Variants in PREX1 observed in about 807,000 individuals in gnomAD.
PREX1 encodes phosphatidylinositol-3,4,5-trisphosphate dependent Rac exchange factor 1.
A neutral mutation model predicts 198.3 loss-of-function variants in PREX1; 41 were observed. The ratio of observed to expected loss-of-function variants is 0.21; its 90% CI spans 0.16 to 0.27. The LOEUF (loss-of-function observed/expected upper bound fraction) is 0.27. Among genes scored for constraint, PREX1 ranks in the 10% least tolerant of loss-of-function variants. The pLI is 1.00. For synonymous variants in PREX1, 843 were observed against 887.2 expected (o/e 0.95, Z 0.89); for missense variants, 1,620 against 2,200.7 (o/e 0.74, Z 5.28).
intron 27 of PREX1, among the ~76,000 whole-genome samples, chr20:48,643,398 G>A (rs2089428424): frequency 6.6e-6 from 1 of 151,954 alleles, no homozygotes; most frequent in Admixed American, 6.6e-5. Context: ...GAACCCGGGA[G>A]GTGGAGGTTG....
At chr20:48,751,781 G>A (rs1194199532) in intron 1 of PREX1, among the ~76,000 whole-genome samples, 2 of 152,192 alleles carry the variant, frequency 1.3e-5, no homozygotes, top group Non-Finnish European at 2.9e-5. Context: ...CCCATGCCTG[G>A]ACCACTTGTC....
chr20:48,840,323 A>G, the PREX1 span, among the ~76,000 whole-genome samples: 1 of 150,556 alleles, frequency 6.6e-6, no homozygotes, highest in East Asian at 1.9e-4. Context: ...CCACGACGGC[A>G]AGTATTAACC....
At chr20:48,681,664 A>T (rs2089751688) in intron 10 of PREX1, among the ~76,000 whole-genome samples, 1 of 150,494 alleles carries the variant, frequency 6.6e-6, no homozygotes, top group African/African-American at 2.4e-5. Context: ...AGGTTGGTGG[A>T]TGAGTGACTA....
intron 1 of PREX1, among the ~76,000 whole-genome samples, chr20:48,788,677 C>T (rs960369886): frequency 3.3e-5 from 5 of 152,164 alleles, no homozygotes; most frequent in Non-Finnish European, 7.3e-5. Flanking sequence ...TTGAAGGCAT[C>T]CCCCACATTT....
upstream of PREX1, among the ~76,000 whole-genome samples, chr20:48,830,667 G>C (rs2090535290): frequency 6.6e-6 from 1 of 152,158 alleles, no homozygotes; most frequent in Non-Finnish European, 1.5e-5. Context: ...GATTCTGCTG[G>C]GATCTTTTTC....
intron 13 of PREX1, among the ~76,000 whole-genome samples, chr20:48,677,376 G>C (rs954648953): frequency 1.6e-5 from 2 of 124,938 alleles, no homozygotes; most frequent in Admixed American, 1.7e-4. Flanking sequence ...AGAGCTATCA[G>C]GTCAGAGGAC....
intron 4 of PREX1, among the ~76,000 whole-genome samples, chr20:48,731,490 T>C (rs2090034600): frequency 1.3e-5 from 2 of 152,164 alleles, no homozygotes; most frequent in South Asian, 4.1e-4. Flanking sequence ...CCCTACCGCA[T>C]TATAGGTGCT....
chr20:48,883,516 A>C, the PREX1 span, among the ~76,000 whole-genome samples: 189 of 152,204 alleles, frequency 1.2e-3, 4 homozygotes, highest in South Asian at 0.022. Context: ...TCCACTAAAA[A>C]TTGTTAGAAT....
At chr20:48,626,566 G>A (rs1232905347) in intron 39 of PREX1, among the ~76,000 whole-genome samples, 1 of 152,234 alleles carries the variant, frequency 6.6e-6, no homozygotes, top group East Asian at 1.9e-4. Context: ...TCCACAGAGG[G>A]GAAGCAATTG....
intron 1 of PREX1, among the ~76,000 whole-genome samples, chr20:48,799,461 T>C (rs908495771): frequency 6.6e-6 from 1 of 152,210 alleles, no homozygotes; most frequent in Non-Finnish European, 1.5e-5. Context: ...GAGCAACTCC[T>C]ATAAACCCTG....
intron 1 of PREX1, among the ~76,000 whole-genome samples, chr20:48,763,639 T>TGAA (rs749263408): frequency 1.4e-4 from 21 of 152,184 alleles, no homozygotes; most frequent in Admixed American, 3.9e-4. Context: ...CCTTAGCTGG[T>TGAA]GAAGGATTGT....
intron 5 of PREX1, among the ~76,000 whole-genome samples, chr20:48,722,742 CT>C (rs1188363176): frequency 1.3e-5 from 2 of 152,184 alleles, no homozygotes; most frequent in African/African-American, 2.4e-5. Context: ...CAACTGCCCC[CT>C]GAGACAGGGT....
intron 39 of PREX1, among the ~76,000 whole-genome samples, chr20:48,627,291 C>G (rs996191727): frequency 1.3e-5 from 2 of 151,200 alleles, no homozygotes; most frequent in African/African-American, 4.9e-5. Context: ...GGGCTGAGGG[C>G]ACAGTGTAGT....
Position 48,748,291 on chromosome 20 carries a change from AAC to A in PREX1, c.220-413_220-412del, listed in dbSNP as rs2090118633. ...CTTTACAATTTAACCTCTGAGTAAT[AAC>A]ACAGTCACATGGCTCAAAAGTCAAA... On this transcript the variant is annotated intron_variant, in intron 1 of 39. Coordinates refer to ENST00000371941, the MANE Select transcript of PREX1 (RefSeq NM_020820.4). Among the ~76,000 whole-genome samples the A allele has an allele frequency of 1.3e-5, 2 of 152,134 alleles. 1 individual carries two copies. Among genetic ancestry groups the A allele is most frequent in the African/African-American group, 4.8e-5 (2 of 41,408 alleles).
chr20:48,886,170 G>A, the PREX1 span, among the ~76,000 whole-genome samples: 1 of 152,126 alleles, frequency 6.6e-6, no homozygotes, highest in Non-Finnish European at 1.5e-5. Context: ...ATGTAGGGAT[G>A]GGGGTATGTT....
At chr20:48,671,167 T>C (rs1344164519) in intron 14 of PREX1, among the ~76,000 whole-genome samples, 1 of 152,094 alleles carries the variant, frequency 6.6e-6, no homozygotes, top group African/African-American at 2.4e-5. Context: ...GGTTTAGGGG[T>C]GTATGTCAGA....
At chr20:48,819,918 G>C (rs1326826464) in intron 1 of PREX1, among the ~76,000 whole-genome samples, 2 of 152,194 alleles carry the variant, frequency 1.3e-5, no homozygotes, top group African/African-American at 4.8e-5. Flanking sequence ...CGCTCCTCCT[G>C]AGAGATGCAC....
intron 1 of PREX1, among the ~76,000 whole-genome samples, chr20:48,792,160 G>A (rs959644023): frequency 6.6e-6 from 1 of 152,272 alleles, no homozygotes; most frequent in East Asian, 1.9e-4. Context: ...AAGGCCCAGG[G>A]CTTGAGGCAT....
intron 4 of PREX1, among the ~76,000 whole-genome samples, chr20:48,733,353 G>A (rs1237408674): frequency 6.6e-6 from 1 of 152,158 alleles, no homozygotes; most frequent in Non-Finnish European, 1.5e-5. Context: ...CTCCAGAAGT[G>A]ACCAATCAGA....
Sources: allele counts gnomAD v4.1 joint callset (sites outside exome capture counted in the v4.1 genomes callset), GRCh38; gene constraint gnomAD v4.1.1; transcripts MANE v1.5; gene names NCBI Gene and HGNC (gene_info 2026-07-23, HGNC 2026-07-21).